Variants in STAG1 observed in about 807,000 individuals in gnomAD.
The protein encoded by STAG1 is STAG1 cohesin complex component.
A neutral mutation model predicts 170.9 loss-of-function variants in STAG1; 26 were observed. That is an observed-to-expected ratio of 0.15 (90% CI 0.11 to 0.21). STAG1 has a LOEUF of 0.21. Among genes scored for constraint, STAG1 ranks in the 10% least tolerant of loss-of-function variants. The pLI is 1.00. For synonymous variants in STAG1, 514 were observed against 497.7 expected (o/e 1.03, Z -0.44); for missense variants, 964 against 1,509.5 (o/e 0.64, Z 5.99).
intron 1 of STAG1, among the ~76,000 whole-genome samples, chr3:136,657,877 A>G (rs1183660683): frequency 6.6e-6 from 1 of 152,204 alleles, no homozygotes; most frequent in Non-Finnish European, 1.5e-5. Context: ...AGAATGCAAT[A>G]GTAGCTATGA....
intron 22 of STAG1, among the ~76,000 whole-genome samples, chr3:136,394,827 C>A (rs961254527): frequency 6.6e-6 from 1 of 151,716 alleles, no homozygotes; most frequent in Admixed American, 6.6e-5. Flanking sequence ...GTGGTAGGCA[C>A]CAGTAATCCC....
chr3:136,704,287 G>A (rs1049424091), intron 1 of STAG1, among the ~76,000 whole-genome samples: 1 of 151,714 alleles, frequency 6.6e-6, no homozygotes, highest in Non-Finnish European at 1.5e-5. Context: ...CTGACCTCAG[G>A]TGATCCGCCT....
At chr3:136,349,444 T>C in intron 28 of STAG1, 81 bp from the exon 29 acceptor site, 1 of 1,029,674 alleles carries the variant, frequency 9.7e-7, no homozygotes. Context: ...TGAGGCTCTC[T>C]TTCTGCAGGT....
chr3:136,737,642 T>C (rs1449994949), intron 1 of STAG1, among the ~76,000 whole-genome samples: 1 of 152,276 alleles, frequency 6.6e-6, no homozygotes, highest in African/African-American at 2.4e-5. Flanking sequence ...CCGCTTACTA[T>C]ATTCAACAAA....
chr3:136,443,527 C>A, intron 14 of STAG1, 123 bp from the exon 15 acceptor site: 1 of 668,490 alleles, frequency 1.5e-6, no homozygotes. Context: ...TTCTAAAAAC[C>A]ACTTAGAGAA....
At position 136,513,343 on chromosome 3, in the gene STAG1, C is replaced by T. The variant is rs367654348; in HGVS notation, c.676+7870G>A. ...CCGTACTCCAGTCTGGGTGACAGAG[C>T]AAGACCCCGTCTCAAAAAAAAAAGG... On this transcript the variant is annotated intron_variant, in intron 7 of 33. Transcript: ENST00000383202. Among the ~76,000 whole-genome samples the T allele has an allele frequency of 3.3e-4, 50 of 151,196 alleles. No homozygotes were observed. The East Asian group carries it at 9.7e-3, about 29-fold the overall frequency.
intron 20 of STAG1, among the ~76,000 whole-genome samples, chr3:136,419,623 G>GTTT (rs11320131): frequency 5.9e-5 from 8 of 136,488 alleles, no homozygotes; most frequent in African/African-American, 1.6e-4. Flanking sequence ...TTTTGTGTGT[G>GTTT]TTTTTTTTTT....
chr3:136,426,558 G>GT (rs1464843367), intron 16 of STAG1, among the ~76,000 whole-genome samples: 1 of 152,146 alleles, frequency 6.6e-6, no homozygotes, highest in Non-Finnish European at 1.5e-5. Flanking sequence ...TGAATCTATT[G>GT]TAAGAACTTA....
At chr3:136,715,093 C>A (rs1286097513) in intron 1 of STAG1, among the ~76,000 whole-genome samples, 1 of 143,914 alleles carries the variant, frequency 6.9e-6, no homozygotes, top group Admixed American at 7.0e-5. Context: ...TACAAAGGGG[C>A]GCACAGTAAG....
chr3:136,448,694 T>C (rs1294589181), intron 14 of STAG1, among the ~76,000 whole-genome samples: 1 of 152,166 alleles, frequency 6.6e-6, no homozygotes, highest in Non-Finnish European at 1.5e-5. Flanking sequence ...ATTTCAGCAC[T>C]TCGGGAGACT....
chr3:136,420,186 G>T (rs914385231), intron 20 of STAG1, among the ~76,000 whole-genome samples: 1 of 147,168 alleles, frequency 6.8e-6, no homozygotes, highest in Non-Finnish European at 1.5e-5. Flanking sequence ...GGCGGCAGTT[G>T]CAGTGAGCCG....
At chr3:136,513,024 T>C (rs1033388216) in intron 7 of STAG1, among the ~76,000 whole-genome samples, 13 of 151,866 alleles carry the variant, frequency 8.6e-5, no homozygotes, top group Middle Eastern at 3.2e-3. Context: ...AACGAAAAGG[T>C]ATCTACGAAA....
chr3:136,415,654 T>C (rs73224196), intron 21 of STAG1, among the ~76,000 whole-genome samples: 3,612 of 152,162 alleles, frequency 0.024, 68 homozygotes, highest in Non-Finnish European at 0.038. Context: ...CTGGCCAACA[T>C]GGGGAAACCT....
chr3:136,641,671 G>A (rs1014252191), intron 1 of STAG1, among the ~76,000 whole-genome samples: 3 of 152,214 alleles, frequency 2.0e-5, no homozygotes, highest in South Asian at 4.1e-4. Flanking sequence ...GATTACAGGA[G>A]AGGCATAAAA....
At chr3:136,631,154 T>G (rs1940314124) in intron 1 of STAG1, among the ~76,000 whole-genome samples, 173 bp from the exon 2 acceptor site, 1 of 152,196 alleles carries the variant, frequency 6.6e-6, no homozygotes, top group Admixed American at 6.5e-5. Flanking sequence ...CTGCCAAAAC[T>G]TGGAAGCAAC....
intron 1 of STAG1, among the ~76,000 whole-genome samples, chr3:136,689,619 C>T (rs1167233179): frequency 3.9e-5 from 6 of 152,268 alleles, no homozygotes; most frequent in Admixed American, 2.6e-4. Context: ...TTTTGTACAC[C>T]TCTGGCTGAT....
intron 1 of STAG1, among the ~76,000 whole-genome samples, chr3:136,636,772 T>C (rs1408969914): frequency 6.6e-6 from 1 of 152,216 alleles, no homozygotes; most frequent in Non-Finnish European, 1.5e-5. Context: ...TTAAGAAAGA[T>C]TAATTTTTAA....
At chr3:136,646,543 A>AT (rs1281781628) in intron 1 of STAG1, among the ~76,000 whole-genome samples, 1 of 152,180 alleles carries the variant, frequency 6.6e-6, no homozygotes, top group Non-Finnish European at 1.5e-5. Context: ...TGTGGGATAG[A>AT]TTTTTTAAAG....
intron 19 of STAG1, 27 bp downstream of exon 19, chr3:136,422,383 T>C (rs1210780106): frequency 2.5e-6 from 4 of 1,588,558 alleles, no homozygotes; most frequent in Non-Finnish European, 3.5e-6. Flanking sequence ...AATATTATTA[T>C]ATGTACACAT....
Sources: allele counts gnomAD v4.1 joint callset (sites outside exome capture counted in the v4.1 genomes callset), GRCh38; gene constraint gnomAD v4.1.1; transcripts MANE v1.5; gene names NCBI Gene and HGNC (gene_info 2026-07-23, HGNC 2026-07-21).